Variants in TTC31 observed in about 807,000 individuals in gnomAD.
The protein encoded by TTC31 is tetratricopeptide repeat domain 31.
Under a neutral mutation model 60.4 loss-of-function variants are expected in TTC31, and 59 were observed. The ratio of observed to expected loss-of-function variants is 0.98; its 90% CI spans 0.79 to 1.21. TTC31 has a LOEUF of 1.21. TTC31 is among the 50% of genes most tolerant of loss of function. The probability of loss-of-function intolerance (pLI) is 0.00; values close to 1 mark genes in which losing one functional copy is unlikely to be tolerated. For missense variants in TTC31, 672 were observed against 646.9 expected (o/e 1.04, Z -0.42); for synonymous variants, 225 against 249.6 (o/e 0.90, Z 0.93).
chr2:74,492,935 G>A lies in TTC31; in HGVS notation c.1277G>A (p.Gly426Glu), dbSNP rs1349667099. ...LLHLTLQGQRGGICAPPLSPG... is the reference protein window; with the variant it reads ...LLHLTLQGQREGICAPPLSPG... ...CTCCCTTCTCAGCAGGGTCAGCGAG[G>A]AGGAATCTGTGCACCACCTCTGTCA... Residue 426 changes from glycine (G) to glutamate (E), a missense_variant, in exon 13 of 13, where the codon GGA becomes GAA. Physicochemically the swap from Gly to Glu is moderately conservative, Grantham distance 98. Transcript: ENST00000233623. 4 of 1,606,648 alleles carry A rather than the reference G, an allele frequency of 2.5e-6. No individual in the cohort carries two copies. In the African/African-American group the frequency reaches 5.3e-5, roughly 21 times the overall value.
intron 4 of TTC31, 33 bp from the exon 5 acceptor site, chr2:74,490,623 C>G: frequency 1.9e-6 from 3 of 1,608,878 alleles, no homozygotes; most frequent in Non-Finnish European, 1.7e-6. Flanking sequence ...CCCTGTTTCT[C>G]TCTTTTTCTG....
Position 74,493,220 on chromosome 2 carries a change from G to T in TTC31, c.*2G>T. On this transcript the variant is annotated 3_prime_UTR_variant, in exon 13 of 13. Coordinates refer to ENST00000233623, the MANE Select transcript of TTC31 (RefSeq NM_022492.6). ...CAGCATCTGTCTCAGGCCAGATGAG[G>T]GGGCACCGGTCCCTCATAGGGCAGG... is the stretch of plus-strand genomic sequence containing the variant. 1 of 1,614,012 alleles carries T rather than the reference G, an allele frequency of 6.2e-7. No homozygotes were observed. Among genetic ancestry groups the T allele is most frequent in the Non-Finnish European group, 8.5e-7 (1 of 1,179,968 alleles).
In TTC31 at chr2:74,490,052, G is replaced by A; in HGVS notation, c.157G>A (p.Val53Met). ...EDIVDFLRRL[V>M]ESDPQGLHRI... The stretch of plus-strand genomic sequence containing the variant: ...CATAGTGGATTTTCTTCGACGGCTT[G>A]TGGAGAGTGATCCCCAGGGCCTGCA... Residue 53 changes from valine to methionine, a missense_variant, in exon 3 of 13, where the codon GTG (valine) becomes ATG (methionine). By Grantham distance (21) the Val-to-Met change is conservative (BLOSUM62 1). Coordinates refer to ENST00000233623, the MANE Select transcript of TTC31 (RefSeq NM_022492.6). 1 of 1,571,218 alleles carries A rather than the reference G, an allele frequency of 6.4e-7. No individual in the cohort carries two copies. The highest frequency in any genetic ancestry group is 1.2e-5 in the South Asian group (1 of 86,132).
At position 74,492,058 on chromosome 2, in the gene TTC31, G is replaced by A; in HGVS notation, c.928+3G>A. 3 of 1,614,226 alleles carry A rather than the reference G, an allele frequency of 1.9e-6. No homozygotes were observed. Among genetic ancestry groups the A allele is most frequent in the Non-Finnish European group, 2.5e-6 (3 of 1,180,032 alleles). ...ACAACAGAGCCAGGAACTGGCAAGT[G>A]AGATCCTTTCTCTCTCCGTCCTCAC... On this transcript the variant is annotated splice_donor_region_variant and intron_variant, in intron 9 of 12. Coordinates refer to ENST00000233623, the MANE Select transcript of TTC31 (RefSeq NM_022492.6).
At position 74,494,022 on chromosome 2, in the gene TTC31, G is replaced by C. The variant is rs1674222844; in HGVS notation, c.*804G>C. 1 of 152,130 alleles carries C rather than the reference G, an allele frequency of 6.6e-6. No individual in the cohort carries two copies. Among genetic ancestry groups the C allele is most frequent in the South Asian group, 2.1e-4 (1 of 4,826 alleles). 9.4% of individuals were successfully genotyped at this position (152,130 alleles called of 1,614,324 possible). ...GTTAATTTATTCAGTTTTTTCAAGGGTCAACTGAATTCCCCACTTCCTGGG... is the reference window on the plus strand; with the variant it reads ...GTTAATTTATTCAGTTTTTTCAAGGCTCAACTGAATTCCCCACTTCCTGGG... On this transcript the variant is annotated 3_prime_UTR_variant, in exon 13 of 13. Transcript: ENST00000233623.
In TTC31 at chr2:74,492,442, A is replaced by G. The variant is rs772531866; in HGVS notation, c.1158A>G (p.Leu386=). The change falls in exon 11 of 13, where the codon CTA becomes CTG. Residue 386 remains leucine (L), a synonymous_variant. Coordinates refer to ENST00000233623, the MANE Select transcript of TTC31 (RefSeq NM_022492.6). ...LFRLGKALMG[L]QRFREAAAVF... is the part of the protein sequence containing the mutation. ...GCCTGGGCAAGGCCTTGATGGGACTACAGGTAATAGGTCTGGGGCTGGAAA... is the reference window on the plus strand; with the variant it reads ...GCCTGGGCAAGGCCTTGATGGGACTGCAGGTAATAGGTCTGGGGCTGGAAA... The G allele has an allele frequency of 6.6e-7, 1 of 1,523,290 alleles. No homozygotes were observed. Among genetic ancestry groups the G allele is most frequent in the Non-Finnish European group, 8.8e-7 (1 of 1,136,804 alleles). 94.4% of individuals were successfully genotyped at this position (1,523,290 alleles called of 1,614,324 possible). A position where few individuals can be genotyped will look rare whatever the true frequency, so the allele number is the denominator to read the frequency against.
intron 3 of TTC31, 44 bp downstream of exon 3, chr2:74,490,171 C>A: frequency 6.2e-7 from 1 of 1,610,814 alleles, no homozygotes; most frequent in Non-Finnish European, 8.5e-7. Context: ...GGCTGGTACC[C>A]TGGGAGGGCT....
In TTC31 at chr2:74,490,715, A is replaced by T; in HGVS notation, c.522A>T (p.Ala174=). ...VAEEERMKQK[A]EKKRLKKKRQ... is the part of the protein sequence containing the mutation. Reference sequence around the variant, plus strand: ...AGGAGGAGCGCATGAAACAGAAAGCAGAGAAAAAGCGACTCAAGAAGAAGG... The same window carrying T: ...AGGAGGAGCGCATGAAACAGAAAGCTGAGAAAAAGCGACTCAAGAAGAAGG... Residue 174 remains alanine (A), a synonymous_variant, in exon 5 of 13, where the codon GCA becomes GCT. Transcript: ENST00000233623. The T allele has an allele frequency of 6.2e-7, 1 of 1,613,350 alleles. No homozygotes were observed. Among genetic ancestry groups the T allele is most frequent in the Non-Finnish European group, 8.5e-7 (1 of 1,179,668 alleles).
intron 12 of TTC31, 75 bp from the exon 13 acceptor site, chr2:74,492,847 A>C: frequency 6.3e-7 from 1 of 1,583,576 alleles, no homozygotes; most frequent in South Asian, 1.1e-5. Flanking sequence ...GGGGCGGGGA[A>C]GGATGGGTGG....
chr2:74,489,999 T>TCCCCACC, intron 2 of TTC31, 26 bp from the exon 3 acceptor site: 1 of 1,367,294 alleles, frequency 7.3e-7, no homozygotes, highest in Non-Finnish European at 1.0e-6. Flanking sequence ...AACACCAGCC[T>TCCCCACC]CCCCTCCCCT....
At chr2:74,487,415 A>G (rs1673252945) in intron 2 of TTC31, among the ~76,000 whole-genome samples, 1 of 152,036 alleles carries the variant, frequency 6.6e-6, no homozygotes, top group Admixed American at 6.6e-5. Flanking sequence ...GACGGGTTTC[A>G]CCATGTTGGT....
At chr2:74,488,067 T>C (rs929984829) in intron 2 of TTC31, among the ~76,000 whole-genome samples, 1 of 152,176 alleles carries the variant, frequency 6.6e-6, no homozygotes, top group Non-Finnish European at 1.5e-5. Flanking sequence ...CTTGAACTCC[T>C]GGGCTCAAAC....
At chr2:74,492,549 A>G (rs1288846244) in intron 11 of TTC31, 97 bp from the exon 12 acceptor site, 18 of 1,546,378 alleles carry the variant, frequency 1.2e-5, no homozygotes, top group Admixed American at 1.9e-5. Context: ...AAGTGTCACA[A>G]TGGTTGTGGT....
intron 11 of TTC31, 26 bp downstream of exon 11, chr2:74,492,471 G>T: frequency 6.6e-7 from 1 of 1,523,976 alleles, no homozygotes. Context: ...CTGGAAACAG[G>T]AGAGATTTGA....
In TTC31 at chr2:74,490,082, A is replaced by T. The variant is rs972142169; in HGVS notation, c.187A>T (p.Ile63Phe). ...GAGTGATCCCCAGGGCCTGCACCGG[A>T]TCCATGTGGATGGGAGCAGCGGGCG... is the stretch of plus-strand genomic sequence containing the variant. ...VESDPQGLHR[I>F]HVDGSSGRLQ... Residue 63 changes from isoleucine (I) to phenylalanine (F), a missense_variant, in exon 3 of 13, where the codon ATC becomes TTC. Coordinates refer to ENST00000233623, the MANE Select transcript of TTC31 (RefSeq NM_022492.6). 4 of 1,581,038 alleles carry T rather than the reference A, an allele frequency of 2.5e-6. No individual in the cohort carries two copies. The African/African-American group carries it at 5.4e-5, about 21-fold the overall frequency.
chr2:74,485,469 CTTTTTTTTTT>C (rs367876253), intron 2 of TTC31, among the ~76,000 whole-genome samples: 158 of 115,298 alleles, frequency 1.4e-3, no homozygotes, highest in Non-Finnish European at 2.1e-3. Context: ...AGCAGTATTT[CTTTTTTTTTT>C]TTTTTTTTGA....
Position 74,491,663 on chromosome 2 carries a change from A to G in TTC31, c.867A>G (p.Pro289=). Reference sequence around the variant, plus strand: ...GAGAGGAGAGGCCCCAGCAGAGTCCAAAGGTACAGGTGAGGTGGCTGAAGA... The same window carrying G: ...GAGAGGAGAGGCCCCAGCAGAGTCCGAAGGTACAGGTGAGGTGGCTGAAGA... ...PPREERPQQS[P]KVQASPGLLA... The change falls in exon 8 of 13, where the codon CCA becomes CCG. Residue 289 remains proline (P), a synonymous_variant. Transcript: ENST00000233623. 6.2e-7 allele frequency: 1 copy of G among 1,614,104 alleles called. No individual in the cohort carries two copies. The highest frequency in any genetic ancestry group is 8.5e-7 in the Non-Finnish European group (1 of 1,179,962).
intron 2 of TTC31, among the ~76,000 whole-genome samples, chr2:74,486,148 C>T (rs1335061610): frequency 6.6e-6 from 1 of 151,900 alleles, no homozygotes; most frequent in Non-Finnish European, 1.5e-5. Context: ...CGCCTATAGT[C>T]CCAGCTACTT....
intron 2 of TTC31, among the ~76,000 whole-genome samples, chr2:74,487,703 C>CA (rs1673294621): frequency 6.6e-6 from 1 of 151,832 alleles, no homozygotes; most frequent in East Asian, 1.9e-4. Flanking sequence ...TTTTATGAGA[C>CA]AGAGTCTCAC....
Sources: gnomAD v4.1 joint callset for allele counts (sites outside exome capture counted in the v4.1 genomes callset) on GRCh38, gnomAD v4.1.1 for gene constraint, MANE v1.5 for transcripts, NCBI Gene and HGNC (gene_info 2026-07-23, HGNC 2026-07-21) for gene names.